Variants in KAZN observed in about 807,000 individuals in gnomAD.
KAZN encodes kazrin.
A neutral mutation model predicts 87.4 loss-of-function variants in KAZN; 40 were observed. The observed-to-expected ratio is 0.46, with a 90% CI of 0.36 to 0.60. KAZN has a LOEUF of 0.60. Ranked by LOEUF, KAZN falls within the 20% of genes least tolerant of loss-of-function variation. The pLI is 0.00. For synonymous variants in KAZN, 466 were observed against 458.3 expected, an observed-to-expected ratio of 1.02 and a Z score of -0.22; for missense variants, 898 against 1,073.9, an observed-to-expected ratio of 0.84 and a Z score of 2.29.
intron 1 of KAZN, among the ~76,000 whole-genome samples, chr1:14,704,548 A>C (rs1258570455): frequency 6.6e-6 from 1 of 152,216 alleles, no homozygotes; most frequent in Non-Finnish European, 1.5e-5. Flanking sequence ...CTTGGCTCTC[A>C]GGGATGACCT....
chr1:13,980,120 G>C (rs1466108583), intron 1 of KAZN, among the ~76,000 whole-genome samples: 3 of 151,890 alleles, frequency 2.0e-5, no homozygotes, highest in Non-Finnish European at 4.4e-5. Context: ...GTAATCTCTA[G>C]GTTAACTGCT....
intron 1 of KAZN, among the ~76,000 whole-genome samples, chr1:14,002,989 TGTG>T (rs1557775478): frequency 6.6e-6 from 1 of 151,914 alleles, no homozygotes; most frequent in East Asian, 1.9e-4. Flanking sequence ...ATAAAGAAAA[TGTG>T]GTACATATAT....
intron 2 of KAZN, among the ~76,000 whole-genome samples, chr1:14,363,804 C>T (rs959873387): frequency 6.6e-6 from 1 of 152,068 alleles, no homozygotes; most frequent in African/African-American, 2.4e-5. Context: ...AGTTTGTTAC[C>T]CCCTGCTCTA....
chr1:14,955,225 G>A (rs1268685838), intron 1 of KAZN, among the ~76,000 whole-genome samples: 2 of 152,238 alleles, frequency 1.3e-5, no homozygotes, highest in East Asian at 1.9e-4. Context: ...GGTTGGTCCC[G>A]TCAGTGCAGA....
chr1:14,801,366 G>T (rs1646014862), intron 1 of KAZN, among the ~76,000 whole-genome samples: 1 of 152,188 alleles, frequency 6.6e-6, no homozygotes, highest in African/African-American at 2.4e-5. Flanking sequence ...GTGACGAGGG[G>T]TGGCACGCAC....
chr1:14,923,079 T>C lies in KAZN; in HGVS notation c.227-37605T>C, dbSNP rs1453026141. 6.6e-6 allele frequency among the ~76,000 whole-genome samples: 1 copy of C among 152,162 alleles called. No homozygotes were observed. The highest frequency in any genetic ancestry group is 6.5e-5 in the Admixed American group (1 of 15,280). On this transcript the variant is annotated intron_variant, in intron 1 of 14. Coordinates refer to ENST00000376030, the MANE Select transcript of KAZN (RefSeq NM_201628.3). The surrounding 1 kb of genome is among the most constrained non-coding windows in gnomAD (Gnocchi z 4.2). ...GGCCAGTGACCTAGAAATTTGCACATCTCAGGCCTGGGCCAGTGGGAGCCT... is the reference window on the plus strand; with the variant it reads ...GGCCAGTGACCTAGAAATTTGCACACCTCAGGCCTGGGCCAGTGGGAGCCT...
intron 2 of KAZN, among the ~76,000 whole-genome samples, chr1:14,588,871 T>A (rs1044822127): frequency 6.6e-6 from 1 of 152,230 alleles, no homozygotes; most frequent in Non-Finnish European, 1.5e-5. Flanking sequence ...TTTCATCTCT[T>A]GAATACATGA....
At position 13,904,376 on chromosome 1, in the gene KAZN, T is replaced by G. The variant is rs147987396; in HGVS notation, c.91+10620T>G. On this transcript the variant is annotated intron_variant, in intron 1 of 16. Coordinates refer to the KAZN transcript ENST00000636203. ...AGTATTGCTGGGAGAACTCCCAGGT[T>G]GGAGAAGTTGGGTTGTAGGGATCAG... is the stretch of plus-strand genomic sequence containing the variant. Among the ~76,000 whole-genome samples the G allele has an allele frequency of 1.8e-3, 272 of 152,212 alleles. 1 individual carries two copies. The highest frequency in any genetic ancestry group is 6.3e-3 in the African/African-American group (262 of 41,536).
At chr1:14,189,041 G>A (rs1646371494) in intron 2 of KAZN, among the ~76,000 whole-genome samples, 1 of 152,110 alleles carries the variant, frequency 6.6e-6, no homozygotes, top group Non-Finnish European at 1.5e-5. Flanking sequence ...GTGTTGCTAA[G>A]TGTCGTCATT....
At chr1:14,325,338 ACCTGACTACAGTGTGT>A (rs1466068525) in intron 2 of KAZN, among the ~76,000 whole-genome samples, 18 of 152,160 alleles carry the variant, frequency 1.2e-4, no homozygotes, top group Non-Finnish European at 2.6e-4. Context: ...AAATGCTGCC[ACCTGACTACAGTGTGT>A]CTGCTTCCCT....
At chr1:14,325,215 G>A (rs150346008) in intron 2 of KAZN, among the ~76,000 whole-genome samples, 235 of 152,226 alleles carry the variant, frequency 1.5e-3, no homozygotes, top group Admixed American at 0.014. Flanking sequence ...ATTCTTGCAT[G>A]GAGATTAAAG....
intron 1 of KAZN, among the ~76,000 whole-genome samples, chr1:14,114,932 T>C (rs922333727): frequency 2.6e-5 from 4 of 152,190 alleles, no homozygotes; most frequent in African/African-American, 9.7e-5. Context: ...TTCACTTGCT[T>C]AGTGTTTGGA....
At chr1:13,908,727 C>T (rs936549691) in intron 1 of KAZN, among the ~76,000 whole-genome samples, 4 of 152,208 alleles carry the variant, frequency 2.6e-5, no homozygotes, top group African/African-American at 9.7e-5. Context: ...GGGGCCTGTA[C>T]TTCCCTTTCA....
intron 2 of KAZN, among the ~76,000 whole-genome samples, chr1:14,319,896 G>A (rs1364020244): frequency 6.6e-6 from 1 of 152,130 alleles, no homozygotes; most frequent in Admixed American, 6.5e-5. Flanking sequence ...AGTCAAATCT[G>A]ATTATTTTAT....
intron 2 of KAZN, among the ~76,000 whole-genome samples, chr1:14,315,154 C>T (rs1365616798): frequency 6.6e-6 from 1 of 152,066 alleles, no homozygotes; most frequent in Non-Finnish European, 1.5e-5. Flanking sequence ...TTTTGTATGA[C>T]AGTCACTTCT....
intron 8 of KAZN, among the ~76,000 whole-genome samples, chr1:15,091,501 C>T (rs115322886): frequency 0.018 from 2,809 of 152,274 alleles, 47 homozygotes; most frequent in Non-Finnish European, 0.03. Flanking sequence ...TGTGCTACCA[C>T]GCCCACGCCG....
At chr1:14,237,903 C>G (rs1648574173) in intron 2 of KAZN, among the ~76,000 whole-genome samples, 1 of 152,198 alleles carries the variant, frequency 6.6e-6, no homozygotes, top group African/African-American at 2.4e-5. Flanking sequence ...CCATTCTACC[C>G]TAGAGAGTTC....
chr1:13,958,675 G>A (rs1641641277), intron 1 of KAZN, among the ~76,000 whole-genome samples: 1 of 152,082 alleles, frequency 6.6e-6, no homozygotes, highest in South Asian at 2.1e-4. Flanking sequence ...GCAGAGACTA[G>A]GGGGTTAGGT....
At chr1:14,760,591 C>A (rs1644712716) in intron 1 of KAZN, among the ~76,000 whole-genome samples, 1 of 152,138 alleles carries the variant, frequency 6.6e-6, no homozygotes, top group Non-Finnish European at 1.5e-5. Context: ...ACACAGCAGC[C>A]AGAGTAGTCT....
Sources: gnomAD v4.1 joint callset for allele counts (sites outside exome capture counted in the v4.1 genomes callset) on GRCh38, gnomAD v4.1.1 for gene constraint, Gnocchi (gnomAD v3.1) non-coding constraint, MANE v1.5 for transcripts, NCBI Gene and HGNC (gene_info 2026-07-23, HGNC 2026-07-21) for gene names.